TNFRSF19: variants seen among roughly 807,000 people sequenced by gnomAD.
TNFRSF19 encodes tumor necrosis factor receptor superfamily member 19.
TNFRSF19 carries 27 observed loss-of-function variants against 46.4 expected under a neutral mutation model. The observed-to-expected ratio is 0.58, with a 90% confidence interval of 0.43 to 0.80. The LOEUF is 0.80. TNFRSF19 is among the 30% of genes least tolerant of loss of function. The pLI is 0.00. For missense variants in TNFRSF19, 511 were observed against 530.8 expected, an observed-to-expected ratio of 0.96 and a Z score of 0.37; for synonymous variants, 204 against 205.0, an observed-to-expected ratio of 1.00 and a Z score of 0.04.
rs1477078906 is a variant in TNFRSF19 at position 23,675,678 on chromosome 13, G to A, written c.*2298G>A. On this transcript the variant is annotated 3_prime_UTR_variant, in exon 10 of 10. Transcript: ENST00000248484. Reference sequence around the variant, plus strand: ...TATCCCATAGCACTCAATAAACTCAGCTGCTAGAGTGCCGATGTCAGGAGG... The same window carrying A: ...TATCCCATAGCACTCAATAAACTCAACTGCTAGAGTGCCGATGTCAGGAGG... 1.3e-5 allele frequency: 2 copies of A among 152,206 alleles called. No individual in the cohort carries two copies. Among genetic ancestry groups the A allele is most frequent in the Non-Finnish European group, 2.9e-5 (2 of 68,030 alleles). 9.4% of individuals were successfully genotyped at this position (152,206 alleles called of 1,614,324 possible). A position where few individuals can be genotyped will look rare whatever the true frequency, so the allele number is the denominator to read the frequency against.
intron 1 of TNFRSF19, among the ~76,000 whole-genome samples, chr13:23,582,963 T>G (rs1593229591): frequency 6.6e-6 from 1 of 152,358 alleles, no homozygotes; most frequent in East Asian, 1.9e-4. Flanking sequence ...ATTTCTTGAC[T>G]TGTTTATGGA....
chr13:23,674,707 C>T lies in TNFRSF19; in HGVS notation c.*1327C>T. ...AGGGCATATTTTTTAGACTTCTGAACATCAGTATGTTCGAGGGTACTATGA... is the reference window on the plus strand; with the variant it reads ...AGGGCATATTTTTTAGACTTCTGAATATCAGTATGTTCGAGGGTACTATGA... On this transcript the variant is annotated 3_prime_UTR_variant, in exon 10 of 10. Transcript: ENST00000248484. 1 of 152,236 alleles carries T rather than the reference C, an allele frequency of 6.6e-6. No homozygotes were observed. Among genetic ancestry groups the T allele is most frequent in the Non-Finnish European group, 1.5e-5 (1 of 68,038 alleles). The allele number at this position is 152,236 out of a possible 1,614,324, so 9.4% of individuals were successfully genotyped here. A position where few individuals can be genotyped will look rare whatever the true frequency, so the allele number is the denominator to read the frequency against.
intron 5 of TNFRSF19, among the ~76,000 whole-genome samples, chr13:23,632,942 A>C (rs1882441423): frequency 2.6e-5 from 4 of 152,096 alleles, no homozygotes; most frequent in Admixed American, 1.3e-4. Context: ...AACCCCAAAC[A>C]CATTGTCATT....
At chr13:23,661,390 G>A (rs1413128801) in intron 7 of TNFRSF19, among the ~76,000 whole-genome samples, 1 of 152,210 alleles carries the variant, frequency 6.6e-6, no homozygotes, top group Non-Finnish European at 1.5e-5. Flanking sequence ...TTTTATGGCT[G>A]CATAGTATTC....
chr13:23,617,956 G>A (rs1362817894), intron 4 of TNFRSF19, among the ~76,000 whole-genome samples: 1 of 152,120 alleles, frequency 6.6e-6, no homozygotes, highest in Non-Finnish European at 1.5e-5. Flanking sequence ...CAGATGTCCC[G>A]GGGGTGGGGT....
intron 1 of TNFRSF19, among the ~76,000 whole-genome samples, chr13:23,576,618 G>A (rs1398353162): frequency 7.9e-5 from 12 of 152,060 alleles, no homozygotes; most frequent in Admixed American, 7.9e-4. Context: ...AAATGCTCAA[G>A]TCCCTTACAA....
chr13:23,577,917 C>G (rs1054288316), intron 1 of TNFRSF19, among the ~76,000 whole-genome samples: 1 of 151,762 alleles, frequency 6.6e-6, no homozygotes, highest in African/African-American at 2.4e-5. Flanking sequence ...GGTTGATGAC[C>G]GAGGCAGTGC....
intron 5 of TNFRSF19, among the ~76,000 whole-genome samples, chr13:23,644,660 G>A (rs893634835): frequency 3.3e-5 from 5 of 152,188 alleles, no homozygotes; most frequent in Admixed American, 6.5e-5. Flanking sequence ...GCTTGGAAAC[G>A]CAGCCCTCAG....
At chr13:23,660,294 A>G in intron 6 of TNFRSF19, 71 bp from the exon 7 acceptor site, 3 of 1,446,474 alleles carry the variant, frequency 2.1e-6, no homozygotes, top group Non-Finnish European at 2.8e-6. Flanking sequence ...TAAAAATACA[A>G]AAGCTAGAAT....
Position 23,655,738 on chromosome 13 carries a change from G to GC in TNFRSF19, c.446-3302dup, listed in dbSNP as rs11335098. Among the ~76,000 whole-genome samples, 1,104 of 149,970 alleles carry GC rather than the reference G, an allele frequency of 7.4e-3. 18 individuals carry two copies. The highest frequency in any genetic ancestry group is 0.024 in the African/African-American group (976 of 40,352). ...CACTTTATATAGCTAGTATAAATCT[G>GC]CCCCCCCCCCTTATTTTTGGTTTTG... On this transcript the variant is annotated intron_variant, in intron 5 of 9. Coordinates refer to ENST00000248484, the MANE Select transcript of TNFRSF19 (RefSeq NM_148957.4).
chr13:23,642,702 C>G (rs1393040496), intron 5 of TNFRSF19, among the ~76,000 whole-genome samples: 1 of 152,196 alleles, frequency 6.6e-6, no homozygotes, highest in African/African-American at 2.4e-5. Flanking sequence ...GAGGGAGGCT[C>G]TATCTAAATC....
intron 3 of TNFRSF19, among the ~76,000 whole-genome samples, chr13:23,605,906 A>G (rs1880480956): frequency 6.6e-6 from 1 of 152,128 alleles, no homozygotes; most frequent in Admixed American, 6.5e-5. Context: ...TGTTGTTCAA[A>G]CTCACAGAAT....
At chr13:23,614,494 A>T (rs1336010943) in intron 3 of TNFRSF19, among the ~76,000 whole-genome samples, 1 of 152,112 alleles carries the variant, frequency 6.6e-6, no homozygotes, top group East Asian at 1.9e-4. Flanking sequence ...ACTAGGTGGG[A>T]CTTGCATTTT....
intron 1 of TNFRSF19, among the ~76,000 whole-genome samples, chr13:23,587,474 G>T (rs758925558): frequency 2.0e-5 from 3 of 152,194 alleles, no homozygotes; most frequent in Non-Finnish European, 4.4e-5. Flanking sequence ...GTGTCTTCTA[G>T]CCTAGTCCTG....
chr13:23,607,263 A>C (rs1368625693), intron 3 of TNFRSF19, among the ~76,000 whole-genome samples: 1 of 152,094 alleles, frequency 6.6e-6, no homozygotes, highest in East Asian at 1.9e-4. Context: ...GTGAAACCCC[A>C]TCTGTACTAA....
In TNFRSF19 at chr13:23,572,444, C is replaced by A. The variant is rs113656868; in HGVS notation, c.-35+1596C>A. On this transcript the variant is annotated intron_variant, in intron 1 of 9. Transcript: ENST00000248484. Reference sequence around the variant, plus strand: ...TTTAAAACAATGACTGGAGATGGTGCCTAAAGAAATAGTGTGTCTGAAACT... The same window carrying A: ...TTTAAAACAATGACTGGAGATGGTGACTAAAGAAATAGTGTGTCTGAAACT... Among the ~76,000 whole-genome samples the A allele has an allele frequency of 9.6e-3, 1,465 of 151,950 alleles. 27 individuals carry two copies. The highest frequency in any genetic ancestry group is 0.034 in the African/African-American group (1,407 of 41,414).
intron 3 of TNFRSF19, among the ~76,000 whole-genome samples, chr13:23,614,773 C>A (rs1881156023): frequency 1.2e-5 from 1 of 86,640 alleles, no homozygotes. Flanking sequence ...ATATATAGTA[C>A]CTGGCAGGCC....
At chr13:23,601,187 C>T (rs991028107) in intron 3 of TNFRSF19, among the ~76,000 whole-genome samples, 2 of 151,960 alleles carry the variant, frequency 1.3e-5, no homozygotes, top group Admixed American at 6.6e-5. Flanking sequence ...AAAAATGACA[C>T]CAAGTATATC....
At position 23,659,966 on chromosome 13, in the gene TNFRSF19, TGAGGAG is replaced by T. The variant is rs147912878; in HGVS notation, c.611-385_611-380del. 7.9e-5 allele frequency among the ~76,000 whole-genome samples: 12 copies of T among 151,548 alleles called. No homozygotes were observed. Among genetic ancestry groups the T allele is most frequent in the African/African-American group, 2.7e-4 (11 of 41,336 alleles). On this transcript the variant is annotated intron_variant, in intron 6 of 9. Coordinates refer to ENST00000248484, the MANE Select transcript of TNFRSF19 (RefSeq NM_148957.4). The surrounding 1 kb of genome is among the most constrained non-coding windows in gnomAD (Gnocchi z 4.9). The stretch of plus-strand genomic sequence containing the variant: ...CTCATCATCTTCATGTTGAGTGGGC[TGAGGAG>T]GAGGAGGAGGAGGGTTGGCCTTGGT...
Sources: gnomAD v4.1 joint callset for allele counts (sites outside exome capture counted in the v4.1 genomes callset) on GRCh38, gnomAD v4.1.1 for gene constraint, Gnocchi (gnomAD v3.1) non-coding constraint, MANE v1.5 for transcripts, NCBI Gene and HGNC (gene_info 2026-07-23, HGNC 2026-07-21) for gene names.